RTL5: variants seen among roughly 807,000 people sequenced by gnomAD.
The protein encoded by RTL5 is retrotransposon Gag like 5, also known as retrotransposon Gag-like protein 5.
Under a neutral mutation model 7.7 loss-of-function variants are expected in RTL5, and 8 were observed. The ratio of observed to expected loss-of-function variants is 1.04; its 90% CI spans 0.61 to 1.88. The LOEUF is 1.88. Ranked by LOEUF, RTL5 falls within the 40% of genes most tolerant of loss-of-function variation. RTL5 has a pLI of 0.00. For synonymous variants in RTL5, 188 were observed against 191.8 expected, an observed-to-expected ratio of 0.98 and a Z score of 0.16; for missense variants, 457 against 472.7, an observed-to-expected ratio of 0.97 and a Z score of 0.31.
chrX:72,130,729 C>T (rs1260241518), exon 1 of RTL5: 1 of 1,210,179 alleles, frequency 8.3e-7, no homozygotes, highest in Non-Finnish European at 1.1e-6. Flanking sequence ...GTTTTGGAGG[C>T]GGCAGTCATC....
exon 1 of RTL5, chrX:72,129,956 G>A: frequency 1.7e-6 from 2 of 1,211,555 alleles, no homozygotes; most frequent in South Asian, 3.5e-5. Context: ...ATCAGTTGGG[G>A]GGAGCTGTAG....
Position 72,130,169 on chromosome X carries a change from C to T in RTL5, c.1372G>A (p.Glu458Lys), listed in dbSNP as rs745766699. The stretch of plus-strand genomic sequence containing the variant: ...TCATCTAGGTCATCATCTTGGGCCT[C>T]ATCCAGTGGCTCCTCCTCCACCTCA... Residue 458 changes from glutamate to lysine, a missense_variant, in exon 1 of 1, where the codon GAG becomes AAG. Physicochemically the swap from Glu to Lys is moderately conservative, Grantham distance 56. Coordinates refer to ENST00000609883, the Ensembl canonical transcript of RTL5. 1.7e-5 allele frequency: 21 copies of T among 1,208,239 alleles called. No homozygotes were observed. Among genetic ancestry groups the T allele is most frequent in the Middle Eastern group, 4.6e-4 (2 of 4,355 alleles).
chrX:72,130,832 C>T (rs1261158181), exon 1 of RTL5: 1 of 1,211,567 alleles, frequency 8.3e-7, no homozygotes. Flanking sequence ...GCCTTTTTAG[C>T]CACACGTGGG....
chrX:72,131,280 C>G, exon 1 of RTL5: 1 of 1,200,122 alleles, frequency 8.3e-7, no homozygotes, highest in Non-Finnish European at 1.1e-6. Flanking sequence ...GAGGCCGGCA[C>G]AAGAAGGGCA....
exon 1 of RTL5, chrX:72,127,961 C>T (rs761149842): frequency 1.8e-5 from 2 of 112,792 alleles, no homozygotes; most frequent in South Asian, 7.3e-4. Context: ...TAGTGCTTGC[C>T]TCTGTGTGGT....
At chrX:72,131,897 T>A, upstream of RTL5, 1 of 423,385 alleles carries the variant, frequency 2.4e-6, no homozygotes, top group Non-Finnish European at 4.0e-6. Context: ...GGGAGCGGAC[T>A]GCGGCAGGAT....
At chrX:72,131,074 A>G (rs1409403850) in exon 1 of RTL5, 1 of 1,210,037 alleles carries the variant, frequency 8.3e-7, no homozygotes, top group South Asian at 1.8e-5. Context: ...GTCTCCTGAA[A>G]AGGGCTCTAT....
At chrX:72,130,316 C>T in exon 1 of RTL5, 1 of 1,149,283 alleles carries the variant, frequency 8.7e-7, no homozygotes, top group Admixed American at 2.2e-5. Flanking sequence ...TTCCTTATCT[C>T]CTCCTCCTCC....
At chrX:72,130,436 A>G in exon 1 of RTL5, 2 of 1,204,431 alleles carry the variant, frequency 1.7e-6, no homozygotes, top group Non-Finnish European at 2.2e-6. Flanking sequence ...TCTTGCTGAA[A>G]AGCCCTCATG....
exon 1 of RTL5, chrX:72,129,756 C>T (rs1438335904): frequency 1.0e-6 from 1 of 986,286 alleles, no homozygotes; most frequent in African/African-American, 1.9e-5. Context: ...GCAAATGGGG[C>T]AGGTATGGCA....
chrX:72,130,851 G>A (rs1166061831), exon 1 of RTL5: 1 of 1,211,816 alleles, frequency 8.3e-7, no homozygotes, highest in Non-Finnish European at 1.1e-6. Flanking sequence ...GGGGGATGGG[G>A]CCACAGAATT....
At chrX:72,129,504 C>G (rs1232459375) in exon 1 of RTL5, 1 of 249,795 alleles carries the variant, frequency 4.0e-6, no homozygotes, top group Non-Finnish European at 7.2e-6. Flanking sequence ...TAGGAACAAC[C>G]AGAGGGGAAA....
At chrX:72,129,868 C>G in exon 1 of RTL5, 1 of 1,204,161 alleles carries the variant, frequency 8.3e-7, no homozygotes, top group Non-Finnish European at 1.1e-6. Flanking sequence ...TCGGTGGCCC[C>G]CCTGTCTCGG....
At chrX:72,129,751 T>TG in exon 1 of RTL5, 1 of 964,694 alleles carries the variant, frequency 1.0e-6, no homozygotes, top group Admixed American at 3.0e-5. Flanking sequence ...GGTCAGCAAA[T>TG]GGGGCAGGTA....
chrX:72,129,894 C>T (rs1429218083), exon 1 of RTL5: 3 of 1,209,672 alleles, frequency 2.5e-6, no homozygotes, highest in East Asian at 3.0e-5. Context: ...GGCGGAAAAG[C>T]ACAGGGGGGC....
chrX:72,131,475 T>C, exon 1 of RTL5: 5 of 1,206,600 alleles, frequency 4.1e-6, no homozygotes, highest in Non-Finnish European at 5.6e-6. Context: ...GAAGGGCATT[T>C]AATTCTTCGC....
chrX:72,131,575 G>T, exon 1 of RTL5: 1 of 1,137,437 alleles, frequency 8.8e-7, no homozygotes, highest in Non-Finnish European at 1.2e-6. Context: ...GCTCCGTGGT[G>T]GGGAAAGGGG....
At chrX:72,128,238 G>A (rs1232613384) in exon 1 of RTL5, 4 of 111,817 alleles carry the variant, frequency 3.6e-5, no homozygotes, top group African/African-American at 1.3e-4. Context: ...TCTTCCTCCA[G>A]CTTTTTTCTC....
Position 72,129,730 on chromosome X carries a change from C to A in RTL5, c.*101G>T, listed in dbSNP as rs996350717. The stretch of plus-strand genomic sequence containing the variant: ...TTCAGGTTCTGCAGGTCTGAAACTC[C>A]CTGAAGTCCTGGTCAGCAAATGGGG... On this transcript the variant is annotated 3_prime_UTR_variant, in exon 1 of 1. Transcript: ENST00000609883. The A allele has an allele frequency of 9.7e-6, 8 of 826,700 alleles. No individual in the cohort carries two copies. In the Admixed American group the frequency reaches 2.5e-4, roughly 26 times the overall value. 68.1% of individuals were successfully genotyped at this position (826,700 alleles called of 1,213,427 possible). A position where few individuals can be genotyped will look rare whatever the true frequency, so the allele number is the denominator to read the frequency against.
Sources: allele counts gnomAD v4.1 joint callset, GRCh38; gene constraint gnomAD v4.1.1; transcripts MANE v1.5; gene names NCBI Gene and HGNC (gene_info 2026-07-23, HGNC 2026-07-21).